Variants in MROH7 observed in about 807,000 individuals in gnomAD.
MROH7 encodes the protein maestro heat-like repeat-containing protein family member 7.
MROH7 carries 113 observed loss-of-function variants against 129.2 expected under a neutral mutation model. The observed-to-expected ratio is 0.87, with a 90% CI of 0.75 to 1.02. MROH7 has a LOEUF of 1.02. MROH7 is among the 50% of genes least tolerant of loss of function. The probability of loss-of-function intolerance (pLI) is 0.00; values close to 1 mark genes in which losing one functional copy is unlikely to be tolerated. For missense variants in MROH7, 1,601 were observed against 1,671.3 expected (o/e 0.96, Z 0.73); for synonymous variants, 655 against 667.9 (o/e 0.98, Z 0.30).
chr1:54,705,986 TTAAGAG>T (rs1448093478), intron 21 of MROH7, among the ~76,000 whole-genome samples: 3 of 152,318 alleles, frequency 2.0e-5, no homozygotes, highest in East Asian at 1.9e-4. Flanking sequence ...CACTGTCCTA[TTAAGAG>T]TAAATCAATG....
intron 7 of MROH7, among the ~76,000 whole-genome samples, chr1:54,671,924 G>A (rs80150611): frequency 0.01 from 1,583 of 152,182 alleles, 28 homozygotes; most frequent in African/African-American, 0.036. Flanking sequence ...GCAATGGTGG[G>A]GCAGAGGGGA....
At chr1:54,645,436 T>C (rs541277368) in intron 1 of MROH7, among the ~76,000 whole-genome samples, 1 of 151,660 alleles carries the variant, frequency 6.6e-6, no homozygotes, top group African/African-American at 2.4e-5. Context: ...TGCACCACCA[T>C]GTCCAGCCAA....
At position 54,704,137 on chromosome 1, in the gene MROH7, A is replaced by G. The variant is rs72669975; in HGVS notation, c.3564+1392A>G. On this transcript the variant is annotated intron_variant, in intron 21 of 23. Transcript: ENST00000421030. Reference sequence around the variant, plus strand: ...CTGGACTGAGAAAAGCTCTTTGGCCACCACCATTATCAGTAATGCTCAAAG... The same window carrying G: ...CTGGACTGAGAAAAGCTCTTTGGCCGCCACCATTATCAGTAATGCTCAAAG... Among the ~76,000 whole-genome samples the G allele has an allele frequency of 2.9e-3, 439 of 152,340 alleles. 1 individual carries two copies. Among genetic ancestry groups the G allele is most frequent in the Admixed American group, 9.7e-3 (149 of 15,308 alleles).
chr1:54,683,748 A>G (rs2101142254), intron 14 of MROH7, among the ~76,000 whole-genome samples: 1 of 152,216 alleles, frequency 6.6e-6, no homozygotes, highest in East Asian at 1.9e-4. Context: ...ATCTTGTCAC[A>G]GGGCCTTTGC....
At chr1:54,666,151 C>T (rs758483133) in intron 4 of MROH7, among the ~76,000 whole-genome samples, 2 of 152,112 alleles carry the variant, frequency 1.3e-5, no homozygotes, top group Non-Finnish European at 1.5e-5. Context: ...CCTACCATGG[C>T]GCCTGCAAAA....
rs570822712 is a variant in MROH7, at chr1:54,662,472, G to A, written c.1232-2695G>A. Among the ~76,000 whole-genome samples, 102 of 152,020 alleles carry A rather than the reference G, an allele frequency of 6.7e-4. 1 individual carries two copies. Among genetic ancestry groups the A allele is most frequent in the African/African-American group, 2.4e-3 (99 of 41,446 alleles). ...AACTGCTTGAACCTGGGAGGTGGAG[G>A]TTGAAGTGAGCCGAGATTGGCGCCA... On this transcript the variant is annotated intron_variant, in intron 3 of 23. Transcript: ENST00000421030.
At chr1:54,680,860 A>T (rs1385652490) in intron 13 of MROH7, among the ~76,000 whole-genome samples, 2 of 152,172 alleles carry the variant, frequency 1.3e-5, no homozygotes, top group Non-Finnish European at 2.9e-5. Flanking sequence ...AACCAAGAAG[A>T]TCAGTCAGGA....
intron 21 of MROH7, among the ~76,000 whole-genome samples, chr1:54,704,143 A>G (rs1430339917): frequency 6.6e-6 from 1 of 152,204 alleles, no homozygotes; most frequent in African/African-American, 2.4e-5. Flanking sequence ...GGCCACCACC[A>G]TTATCAGTAA....
chr1:54,673,878 T>C, intron 9 of MROH7, 73 bp downstream of exon 9: 1 of 1,525,766 alleles, frequency 6.6e-7, no homozygotes, highest in Non-Finnish European at 9.1e-7. Context: ...CGTACCTCTG[T>C]TCAGGGATTC....
At chr1:54,696,954 G>C (rs1645333702) in intron 17 of MROH7, among the ~76,000 whole-genome samples, 1 of 152,078 alleles carries the variant, frequency 6.6e-6, no homozygotes, top group Non-Finnish European at 1.5e-5. Context: ...TTACAGGTGT[G>C]AGCCACCACG....
At chr1:54,651,055 C>G (rs955614997) in intron 1 of MROH7, among the ~76,000 whole-genome samples, 1 of 152,192 alleles carries the variant, frequency 6.6e-6, no homozygotes, top group African/African-American at 2.4e-5. Context: ...TTTCTTTTCT[C>G]TTCCCCAGCT....
At position 54,706,553 on chromosome 1, in the gene MROH7, A is replaced by G; in HGVS notation, c.3667+16A>G. On this transcript the variant is annotated intron_variant, in intron 22 of 23. Transcript: ENST00000421030. ...ATGTTCATAGGTAACCTGCCCTGGC[A>G]TAAGTCATCCTGCTGCCAGGGCTCT... is the stretch of plus-strand genomic sequence containing the variant. 1.3e-6 allele frequency: 2 copies of G among 1,587,956 alleles called. No homozygotes were observed. The highest frequency in any genetic ancestry group is 8.6e-7 in the Non-Finnish European group (1 of 1,157,100).
chr1:54,709,209 TTTTGTTTG>T (rs145713883), intron 23 of MROH7, 133 bp downstream of exon 23: 83 of 808,550 alleles, frequency 1.0e-4, no homozygotes, highest in African/African-American at 5.1e-4. Context: ...TGTACTAGTT[TTTTGTTTG>T]TTTGTTTGTT....
intron 1 of MROH7, 162 bp from the exon 2 acceptor site, chr1:54,651,787 A>AGTCTCTCT (rs1553168945): frequency 7.8e-6 from 1 of 128,710 alleles, no homozygotes; most frequent in East Asian, 2.4e-4. Flanking sequence ...TATTAAACTT[A>AGTCTCTCT]CTCTCTCTCT....
chr1:54,673,131 T>C lies in MROH7; in HGVS notation c.1640T>C (p.Leu547Pro), dbSNP rs1274849278. ...ACCCTGGAGGCCCTGCAGACACTGC[T>C]CAAAGCCCTCTTTATCGAGGACCCC... ...HQTLEALQTL[L>P]KALFIEDPTP... The change falls in exon 8 of 24, where the codon CTC becomes CCC. Residue 547 changes from leucine to proline, a missense_variant. Physicochemically the swap from Leu to Pro is moderately conservative, Grantham distance 98. Transcript: ENST00000421030. 5.0e-6 allele frequency: 8 copies of C among 1,613,836 alleles called. No individual in the cohort carries two copies. Among genetic ancestry groups the C allele is most frequent in the Non-Finnish European group, 6.8e-6 (8 of 1,179,914 alleles).
chr1:54,681,967 C>A (rs652133), intron 13 of MROH7, among the ~76,000 whole-genome samples: 281 of 152,292 alleles, frequency 1.8e-3, no homozygotes, highest in African/African-American at 5.2e-3. Context: ...TAACAACACT[C>A]ACCTTAGGGT....
At chr1:54,671,576 A>C (rs1480779100) in intron 7 of MROH7, among the ~76,000 whole-genome samples, 1 of 152,216 alleles carries the variant, frequency 6.6e-6, no homozygotes, top group Non-Finnish European at 1.5e-5. Context: ...CTGGAGAAGC[A>C]GAACCTCAGG....
chr1:54,673,346 C>T (rs1644931649), intron 8 of MROH7, among the ~76,000 whole-genome samples, 160 bp downstream of exon 8: 1 of 151,664 alleles, frequency 6.6e-6, no homozygotes, highest in Admixed American at 6.6e-5. Context: ...AGGCCCTGTC[C>T]CAGACTCCTG....
chr1:54,707,018 C>CAGG (rs1645545105), intron 22 of MROH7, among the ~76,000 whole-genome samples: 1 of 152,208 alleles, frequency 6.6e-6, no homozygotes, highest in African/African-American at 2.4e-5. Flanking sequence ...GTTTCACAGA[C>CAGG]TGAATGAGAA....
Sources: gnomAD v4.1 joint callset for allele counts (sites outside exome capture counted in the v4.1 genomes callset) on GRCh38, gnomAD v4.1.1 for gene constraint, MANE v1.5 for transcripts, NCBI Gene and HGNC (gene_info 2026-07-23, HGNC 2026-07-21) for gene names.